Variants in BPTF observed in about 807,000 individuals in gnomAD.
BPTF encodes bromodomain PHD finger transcription factor, also known as nucleosome-remodeling factor subunit BPTF.
Under a neutral mutation model 292.5 loss-of-function variants are expected in BPTF, and 18 were observed. The ratio of observed to expected loss-of-function variants is 0.06; its 90% CI spans 0.04 to 0.09. BPTF has a LOEUF of 0.09. Among genes scored for constraint, BPTF ranks in the 10% least tolerant of loss-of-function variants. The pLI is 1.00. For missense variants in BPTF, 2,726 were observed against 3,498.7 expected (o/e 0.78, Z 5.57); for synonymous variants, 1,225 against 1,251.9 (o/e 0.98, Z 0.45).
intron 15 of BPTF, among the ~76,000 whole-genome samples, chr17:67,926,852 C>T (rs1424299722): frequency 6.6e-6 from 1 of 151,444 alleles, no homozygotes; most frequent in Non-Finnish European, 1.5e-5. Context: ...ATCCTCCGGC[C>T]TCAGCCTCCT....
Position 67,910,872 on chromosome 17 carries a change from C to A in BPTF, c.2993-5C>A. The stretch of plus-strand genomic sequence containing the variant: ...TACATTTATATAAATGTCTTTGTTT[C>A]ACAGATGTGAAGGAGCTCTTAGATT... On this transcript the variant is annotated splice_region_variant and splice_polypyrimidine_tract_variant and intron_variant, in intron 10 of 27. Transcript: ENST00000306378. 1 of 1,547,148 alleles carries A rather than the reference C, an allele frequency of 6.5e-7. No homozygotes were observed. The highest frequency in any genetic ancestry group is 8.7e-7 in the Non-Finnish European group (1 of 1,148,312).
chr17:67,862,509 A>G (rs2059144496), intron 2 of BPTF, among the ~76,000 whole-genome samples: 1 of 152,148 alleles, frequency 6.6e-6, no homozygotes. Context: ...CACAACTACA[A>G]AGTGGTGGGA....
chr17:67,938,532 G>T (rs1197537953), intron 18 of BPTF, among the ~76,000 whole-genome samples: 1 of 152,170 alleles, frequency 6.6e-6, no homozygotes, highest in East Asian at 1.9e-4. Flanking sequence ...AACACAAATA[G>T]TTACAGAGGC....
intron 18 of BPTF, among the ~76,000 whole-genome samples, chr17:67,933,373 C>T (rs1210837657): frequency 3.3e-5 from 5 of 151,836 alleles, no homozygotes; most frequent in South Asian, 2.1e-4. Flanking sequence ...AGTTGGAGAC[C>T]AGTCTGGGCA....
In BPTF at chr17:67,946,250, G is replaced by T; in HGVS notation, c.7542G>T (p.Lys2514Asn). ...AACTCAGGGATCAGCAGCAAAAGAAGAAACAGCAACAGATAGAAATTAAGC... is the reference window on the plus strand; with the variant it reads ...AACTCAGGGATCAGCAGCAAAAGAATAAACAGCAACAGATAGAAATTAAGC... ...VQQLRDQQQKKKQQQIEIKRE... is the reference protein window; with the variant it reads ...VQQLRDQQQKNKQQQIEIKRE... Residue 2514 changes from lysine (K) to asparagine (N), a missense_variant, in exon 21 of 28, where the codon AAG (lysine) becomes AAT (asparagine). Around this residue, in one of 22 missense-constraint regions of BPTF, gnomAD observed 570 missense variants for 633.5 expected, o/e 0.90. Transcript: ENST00000306378. The T allele has an allele frequency of 6.2e-7, 1 of 1,614,222 alleles. No homozygotes were observed. Among genetic ancestry groups the T allele is most frequent in the Middle Eastern group, 1.6e-4 (1 of 6,062 alleles).
chr17:67,909,843 C>T lies in BPTF; in HGVS notation c.2992+82C>T, dbSNP rs564295248. The stretch of plus-strand genomic sequence containing the variant: ...GGGTCCCACCACAGGAAAGGTACTG[C>T]GTTGTGTTTTCTTGATAACAGCTTT... On this transcript the variant is annotated intron_variant, in intron 10 of 27. Coordinates refer to ENST00000306378, the MANE Select transcript of BPTF (RefSeq NM_182641.4). 1,232 of 1,181,854 alleles carry T rather than the reference C, an allele frequency of 1.0e-3. 2 individuals carry two copies. Among genetic ancestry groups the T allele is most frequent in the Admixed American group, 1.4e-3 (46 of 33,130 alleles). 73.2% of individuals were successfully genotyped at this position (1,181,854 alleles called of 1,614,324 possible).
intron 2 of BPTF, among the ~76,000 whole-genome samples, chr17:67,863,832 C>T (rs567105613): frequency 1.3e-5 from 2 of 152,286 alleles, no homozygotes; most frequent in East Asian, 1.9e-4. Context: ...TGTTTAGAAA[C>T]GAAAGTTGAA....
At chr17:67,904,240 G>T (rs945583895) in intron 8 of BPTF, among the ~76,000 whole-genome samples, 1 of 144,562 alleles carries the variant, frequency 6.9e-6, no homozygotes, top group Non-Finnish European at 1.5e-5. Context: ...TGTTAGCCAG[G>T]TGAGTCTTGG....
At chr17:67,840,471 TTGC>T (rs1311477321) in intron 1 of BPTF, among the ~76,000 whole-genome samples, 1 of 112,976 alleles carries the variant, frequency 8.9e-6, no homozygotes, top group Non-Finnish European at 1.6e-5. Context: ...GTTGTTGTTG[TTGC>T]TGCTGCTGCT....
At chr17:67,890,346 T>A (rs915769787) in intron 4 of BPTF, among the ~76,000 whole-genome samples, 2 of 152,228 alleles carry the variant, frequency 1.3e-5, no homozygotes, top group Admixed American at 6.5e-5. Context: ...TCTGTTTATT[T>A]CTTCTTTGTG....
chr17:67,861,169 T>G (rs544823413), intron 2 of BPTF, among the ~76,000 whole-genome samples: 1 of 152,202 alleles, frequency 6.6e-6, no homozygotes, highest in Non-Finnish European at 1.5e-5. Context: ...GCTAGAAATA[T>G]GAGAATAAAC....
Position 67,916,639 on chromosome 17 carries a change from G to A in BPTF, c.5304-2075G>A, listed in dbSNP as rs150952618. 5.3e-5 allele frequency among the ~76,000 whole-genome samples: 8 copies of A among 151,876 alleles called. 1 individual carries two copies. Among genetic ancestry groups the A allele is most frequent in the African/African-American group, 1.4e-4 (6 of 41,412 alleles). The stretch of plus-strand genomic sequence containing the variant: ...AAATTAGCTGGATGTTTGGGCGGGC[G>A]CCTGTAATCCCGGCTACTCGGGAGG... On this transcript the variant is annotated intron_variant, in intron 11 of 27. Transcript: ENST00000306378.
chr17:67,923,740 A>C (rs1172668059), intron 14 of BPTF, among the ~76,000 whole-genome samples: 2 of 151,796 alleles, frequency 1.3e-5, no homozygotes, highest in Admixed American at 1.3e-4. Context: ...TCAGCCTCCC[A>C]AAGTGCTGGG....
At position 67,947,758 on chromosome 17, in the gene BPTF, T is replaced by C; in HGVS notation, c.7650T>C (p.His2550=). Residue 2550 remains histidine (H), a synonymous_variant, in exon 22 of 28, where the codon CAT becomes CAC. Transcript: ENST00000306378. ...VVMKHNAVIE[H]LKQKKSMTPA... is the part of the protein sequence containing the mutation. Reference sequence around the variant, plus strand: ...TGAAGCATAATGCTGTAATAGAACATTTAAAACAGAAAAAGAGCATGACTC... The same window carrying C: ...TGAAGCATAATGCTGTAATAGAACACTTAAAACAGAAAAAGAGCATGACTC... The C allele has an allele frequency of 6.4e-7, 1 of 1,554,970 alleles. No homozygotes were observed. Among genetic ancestry groups the C allele is most frequent in the South Asian group, 1.2e-5 (1 of 84,234 alleles).
At chr17:67,893,953 G>C (rs1831499996) in intron 6 of BPTF, 81 bp from the exon 7 acceptor site, 1 of 1,525,130 alleles carries the variant, frequency 6.6e-7, no homozygotes, top group African/African-American at 1.4e-5. Context: ...GAATCAGATG[G>C]AGGCCAAAGT....
chr17:67,827,683 T>C (rs1303392140), intron 1 of BPTF, among the ~76,000 whole-genome samples: 1 of 152,188 alleles, frequency 6.6e-6, no homozygotes, highest in Non-Finnish European at 1.5e-5. Context: ...CTTGAAAAGT[T>C]TGATTTTAAT....
At position 67,971,894 on chromosome 17, in the gene BPTF, GTGTATATCTATGGCATTC is replaced by G. The variant is rs568510379; in HGVS notation, c.8540-3874_8540-3857del. ...CAAATTGAACCAGCTTCCACTAATA[GTGTATATCTATGGCATTC>G]TGTCTGCGCTATTGGAAAACACTGA... is the stretch of plus-strand genomic sequence containing the variant. On this transcript the variant is annotated intron_variant, in intron 26 of 27. Transcript: ENST00000306378. Among the ~76,000 whole-genome samples, 32 of 151,706 alleles carry G rather than the reference GTGTATATCTATGGCATTC, an allele frequency of 2.1e-4. 1 individual carries two copies. In the South Asian group the frequency reaches 6.7e-3, roughly 32 times the overall value.
chr17:67,892,272 T>C (rs186627328), intron 5 of BPTF, among the ~76,000 whole-genome samples: 1 of 152,368 alleles, frequency 6.6e-6, no homozygotes, highest in East Asian at 1.9e-4. Context: ...TGATACACTT[T>C]CTTACTACAT....
intron 1 of BPTF, among the ~76,000 whole-genome samples, chr17:67,833,200 A>G (rs1242053065): frequency 6.6e-6 from 1 of 151,752 alleles, no homozygotes; most frequent in Non-Finnish European, 1.5e-5. Context: ...CTTAACATGT[A>G]TCAGTACTAT....
Sources: gnomAD v4.1 joint callset for allele counts (sites outside exome capture counted in the v4.1 genomes callset) on GRCh38, gnomAD v4.1.1 for gene constraint, gnomAD v4.1.1 regional missense constraint, MANE v1.5 for transcripts, NCBI Gene and HGNC (gene_info 2026-07-23, HGNC 2026-07-21) for gene names.